Variants in FANCC observed in about 807,000 individuals in gnomAD.
The protein encoded by FANCC is FA complementation group C, also known as Fanconi anemia group C protein.
In FANCC, 55 loss-of-function variants were observed where a neutral mutation model predicts 71.3. The ratio of observed to expected loss-of-function variants is 0.77; its 90% CI spans 0.62 to 0.97. The LOEUF (loss-of-function observed/expected upper bound fraction) is 0.97. Among genes scored for constraint, FANCC ranks in the 50% least tolerant of loss-of-function variants. The pLI, the probability that FANCC is intolerant of heterozygous loss-of-function variation, is 0.00. For missense variants in FANCC, 678 were observed against 670.9 expected, an observed-to-expected ratio of 1.01 and a Z score of -0.12; for synonymous variants, 275 against 244.9, an observed-to-expected ratio of 1.12 and a Z score of -1.15.
At chr9:95,200,579 G>A (rs1240975763) in intron 4 of FANCC, among the ~76,000 whole-genome samples, 2 of 152,102 alleles carry the variant, frequency 1.3e-5, no homozygotes, top group East Asian at 3.9e-4. Flanking sequence ...TACCAAATGG[G>A]GAATTTCAGG....
intron 1 of FANCC, among the ~76,000 whole-genome samples, chr9:95,261,656 G>A (rs1032873362): frequency 6.6e-6 from 1 of 152,140 alleles, no homozygotes; most frequent in African/African-American, 2.4e-5. Flanking sequence ...CCTTCTCCAC[G>A]TATGCAGACT....
At chr9:95,307,936 G>C (rs148935295) in intron 1 of FANCC, among the ~76,000 whole-genome samples, 12 of 152,340 alleles carry the variant, frequency 7.9e-5, no homozygotes, top group Non-Finnish European at 1.6e-4. Context: ...CTAAGATTGA[G>C]GGGTCACATC....
At chr9:95,280,400 C>T (rs1210881211) in intron 1 of FANCC, among the ~76,000 whole-genome samples, 3 of 152,250 alleles carry the variant, frequency 2.0e-5, no homozygotes, top group Middle Eastern at 3.4e-3. Flanking sequence ...AAACAGAACA[C>T]TTGAATAACA....
At chr9:95,301,356 T>C (rs1445913286) in intron 1 of FANCC, among the ~76,000 whole-genome samples, 1 of 152,190 alleles carries the variant, frequency 6.6e-6, no homozygotes, top group Non-Finnish European at 1.5e-5. Flanking sequence ...AATATTTATA[T>C]GTGTAAGTAC....
chr9:95,316,712 GTT>G (rs2136451049), intron 1 of FANCC: 1 of 152,318 alleles, frequency 6.6e-6, no homozygotes, highest in East Asian at 1.9e-4. Context: ...AATTTCCCAT[GTT>G]ATAAAACTCC....
chr9:95,306,963 T>A (rs1835104575), intron 1 of FANCC, among the ~76,000 whole-genome samples: 1 of 152,148 alleles, frequency 6.6e-6, no homozygotes, highest in African/African-American at 2.4e-5. Context: ...ACCCTCAACC[T>A]CCCAGGCTCA....
At chr9:95,300,553 C>T (rs1054801437) in intron 1 of FANCC, among the ~76,000 whole-genome samples, 1 of 151,826 alleles carries the variant, frequency 6.6e-6, no homozygotes, top group Non-Finnish European at 1.5e-5. Context: ...TGGGTTCAAG[C>T]AATTCTCTTG....
intron 1 of FANCC, among the ~76,000 whole-genome samples, chr9:95,277,950 C>T (rs1046797223): frequency 3.3e-5 from 5 of 152,130 alleles, no homozygotes; most frequent in Non-Finnish European, 5.9e-5. Flanking sequence ...AATAAAAGAA[C>T]ACTGATAATT....
At chr9:95,204,329 C>T (rs1827984518) in intron 4 of FANCC, among the ~76,000 whole-genome samples, 2 of 152,110 alleles carry the variant, frequency 1.3e-5, no homozygotes, top group Non-Finnish European at 2.9e-5. Flanking sequence ...TCTATATAGA[C>T]CCATGGATAT....
intron 1 of FANCC, among the ~76,000 whole-genome samples, chr9:95,270,380 A>G (rs1432452783): frequency 6.6e-6 from 1 of 152,224 alleles, no homozygotes. Context: ...AGCACTCCAG[A>G]GATCAGCCAC....
intron 6 of FANCC, 22 bp from the exon 7 acceptor site, chr9:95,150,109 A>C: frequency 6.2e-7 from 1 of 1,613,566 alleles, no homozygotes; most frequent in Non-Finnish European, 8.5e-7. Context: ...ATAAGAAATA[A>C]TCACTCAAAT....
chr9:95,198,915 T>G (rs1297463687), intron 4 of FANCC, among the ~76,000 whole-genome samples: 3 of 152,004 alleles, frequency 2.0e-5, no homozygotes, highest in Non-Finnish European at 4.4e-5. Context: ...CTTTTAAACT[T>G]TTTTTGTAGA....
intron 6 of FANCC, among the ~76,000 whole-genome samples, chr9:95,164,543 T>C: frequency 6.6e-6 from 1 of 152,222 alleles, no homozygotes; most frequent in South Asian, 2.1e-4. Context: ...ATGCCATTTC[T>C]GCATTAAGAT....
chr9:95,106,066 G>A (rs2071423833), intron 14 of FANCC, among the ~76,000 whole-genome samples: 1 of 152,180 alleles, frequency 6.6e-6, no homozygotes, highest in Non-Finnish European at 1.5e-5. Context: ...GTAGCTGCAC[G>A]ACGTTAATGT....
chr9:95,236,504 G>A (rs1361819821), intron 4 of FANCC, among the ~76,000 whole-genome samples: 3 of 152,230 alleles, frequency 2.0e-5, no homozygotes, highest in African/African-American at 7.2e-5. Context: ...AAGGTTGTCA[G>A]TAAAACTCCA....
chr9:95,283,911 T>C (rs1449040297), intron 1 of FANCC, among the ~76,000 whole-genome samples: 1 of 152,222 alleles, frequency 6.6e-6, no homozygotes, highest in African/African-American at 2.4e-5. Flanking sequence ...CTATGTGACC[T>C]TGGGAAGTTA....
chr9:95,172,506 T>C (rs1825752733), intron 4 of FANCC, among the ~76,000 whole-genome samples: 1 of 152,102 alleles, frequency 6.6e-6, no homozygotes. Context: ...GTCAGATGGG[T>C]AACGTGCCGA....
chr9:95,269,078 A>G (rs745382796), intron 1 of FANCC, among the ~76,000 whole-genome samples: 1 of 152,218 alleles, frequency 6.6e-6, no homozygotes, highest in African/African-American at 2.4e-5. Flanking sequence ...TTTTAAAACT[A>G]GAACCCTTGC....
At chr9:95,311,791 C>A (rs374753782) in intron 1 of FANCC, among the ~76,000 whole-genome samples, 2 of 151,552 alleles carry the variant, frequency 1.3e-5, no homozygotes, top group African/African-American at 4.9e-5. Context: ...ACCAGAGTAA[C>A]AGATCTCAGA....
Sources: allele counts gnomAD v4.1 joint callset (sites outside exome capture counted in the v4.1 genomes callset), GRCh38; gene constraint gnomAD v4.1.1; transcripts MANE v1.5; gene names NCBI Gene and HGNC (gene_info 2026-07-23, HGNC 2026-07-21).